Variants in KANK1 observed in about 807,000 individuals in gnomAD.
The protein encoded by KANK1 is KN motif and ankyrin repeat domain-containing protein 1.
In KANK1, 109 loss-of-function variants were observed where a neutral mutation model predicts 106.2. That is an observed-to-expected ratio of 1.03 (90% CI 0.88 to 1.20). The LOEUF (loss-of-function observed/expected upper bound fraction) is 1.20. KANK1 is among the 50% of genes most tolerant of loss of function. The pLI, the probability that KANK1 is intolerant of heterozygous loss-of-function variation, is 0.00. For missense variants in KANK1, 2,399 were observed against 1,710.7 expected (o/e 1.40, Z -7.10); for synonymous variants, 873 against 652.2 (o/e 1.34, Z -5.16).
At chr9:682,338 C>T (rs1362339141) in intron 2 of KANK1, among the ~76,000 whole-genome samples, 2 of 151,606 alleles carry the variant, frequency 1.3e-5, no homozygotes, top group Non-Finnish European at 2.9e-5. Flanking sequence ...GACAGGAAAC[C>T]AGAAGAGAAG....
chr9:549,973 A>G (rs561618843), intron 1 of KANK1, among the ~76,000 whole-genome samples: 7 of 152,188 alleles, frequency 4.6e-5, no homozygotes, highest in African/African-American at 1.7e-4. Flanking sequence ...GGTAATATAC[A>G]AAGGAGAATT....
intron 1 of KANK1, among the ~76,000 whole-genome samples, chr9:539,082 T>C (rs2060452526): frequency 6.6e-6 from 1 of 152,140 alleles, no homozygotes; most frequent in Admixed American, 6.5e-5. Context: ...GATTTCACCA[T>C]GTTGGCCCAG....
chr9:555,925 A>G (rs947852588), intron 1 of KANK1, among the ~76,000 whole-genome samples: 1 of 152,262 alleles, frequency 6.6e-6, no homozygotes, highest in Non-Finnish European at 1.5e-5. Flanking sequence ...TAATAACATC[A>G]TTAACTTGTG....
At chr9:649,867 C>T (rs879707405) in intron 1 of KANK1, among the ~76,000 whole-genome samples, 3 of 152,128 alleles carry the variant, frequency 2.0e-5, no homozygotes, top group Admixed American at 6.5e-5. Context: ...ATGACAGTTG[C>T]GATGCAGCTT....
chr9:602,699 T>C (rs1828069371), intron 1 of KANK1, among the ~76,000 whole-genome samples: 1 of 151,918 alleles, frequency 6.6e-6, no homozygotes, highest in Admixed American at 6.6e-5. Context: ...TTTTTGTCCT[T>C]ATAATTTTAT....
chr9:572,512 A>G (rs912083552), intron 1 of KANK1, among the ~76,000 whole-genome samples: 1 of 151,854 alleles, frequency 6.6e-6, no homozygotes, highest in Non-Finnish European at 1.5e-5. Context: ...AGATCGCTCC[A>G]CTGCACTCCA....
intron 3 of KANK1, among the ~76,000 whole-genome samples, chr9:481,095 G>T (rs1170544963): frequency 6.6e-6 from 1 of 152,188 alleles, no homozygotes; most frequent in Non-Finnish European, 1.5e-5. Context: ...CTGACACAAT[G>T]CCTGTTTTAT....
intron 1 of KANK1, among the ~76,000 whole-genome samples, chr9:575,395 C>T (rs1299153723): frequency 2.6e-5 from 4 of 151,886 alleles, no homozygotes; most frequent in Admixed American, 2.0e-4. Flanking sequence ...AGGCCAGGCA[C>T]AGTGGCTCTT....
At chr9:476,159 A>C (rs1338171919) in intron 3 of KANK1, among the ~76,000 whole-genome samples, 10 of 151,768 alleles carry the variant, frequency 6.6e-5, no homozygotes, top group African/African-American at 1.9e-4. Flanking sequence ...AAAAAAAAAA[A>C]AGTTAGAAAA....
chr9:686,325 G>A (rs532185009), intron 2 of KANK1, among the ~76,000 whole-genome samples: 14 of 152,264 alleles, frequency 9.2e-5, no homozygotes, highest in South Asian at 8.3e-4. Flanking sequence ...GGGGCAACCC[G>A]TTTGGCATGT....
chr9:686,939 C>T, intron 2 of KANK1: 1 of 985,046 alleles, frequency 1.0e-6, no homozygotes, highest in Non-Finnish European at 1.2e-6. Context: ...GGGCTTAGGG[C>T]TGGGGGCTTT....
At chr9:687,035 CTTT>C in intron 2 of KANK1, 1 of 627,962 alleles carries the variant, frequency 1.6e-6, no homozygotes. Flanking sequence ...CTTTTCTTTT[CTTT>C]TTTTTTAATA....
chr9:512,261 A>T (rs1316368015), intron 1 of KANK1, among the ~76,000 whole-genome samples: 1 of 142,272 alleles, frequency 7.0e-6, no homozygotes, highest in Non-Finnish European at 1.5e-5. Flanking sequence ...ATGTATATAC[A>T]CACACACAAG....
At chr9:481,836 C>G (rs1057251576) in intron 3 of KANK1, among the ~76,000 whole-genome samples, 1 of 147,982 alleles carries the variant, frequency 6.8e-6, no homozygotes, top group Non-Finnish European at 1.5e-5. Context: ...AAAGCAAGAC[C>G]CTGTCTCTAA....
intron 1 of KANK1, among the ~76,000 whole-genome samples, chr9:668,042 T>G (rs1845059009): frequency 2.0e-5 from 3 of 152,154 alleles, no homozygotes; most frequent in African/African-American, 7.2e-5. Context: ...AAAATTCCTC[T>G]TGTTATTGAT....
chr9:660,225 G>C (rs548806563), intron 1 of KANK1: 58 of 259,264 alleles, frequency 2.2e-4, no homozygotes, highest in Admixed American at 4.5e-4. Context: ...CCAGAATATG[G>C]AGGTCATTCA....
intron 1 of KANK1, among the ~76,000 whole-genome samples, chr9:508,887 A>G (rs1563689110): frequency 6.6e-6 from 1 of 152,212 alleles, no homozygotes; most frequent in African/African-American, 2.4e-5. Flanking sequence ...ACAATATCCA[A>G]TACAAATGTG....
intron 1 of KANK1, among the ~76,000 whole-genome samples, chr9:546,491 G>C (rs1024878418): frequency 6.6e-6 from 1 of 152,060 alleles, no homozygotes; most frequent in African/African-American, 2.4e-5. Context: ...GGTGATAGCT[G>C]GAGGTGGGTG....
intron 2 of KANK1, chr9:706,657 T>C (rs999653468): frequency 2.1e-5 from 9 of 432,426 alleles, no homozygotes; most frequent in South Asian, 9.6e-5. Context: ...AGAAGAACTT[T>C]TCATCAGTGG....
Sources: allele counts gnomAD v4.1 joint callset (sites outside exome capture counted in the v4.1 genomes callset), GRCh38; gene constraint gnomAD v4.1.1; transcripts MANE v1.5; gene names NCBI Gene and HGNC (gene_info 2026-07-23, HGNC 2026-07-21).